Variants in MKLN1 observed in about 807,000 individuals in gnomAD.
MKLN1 encodes muskelin.
A neutral mutation model predicts 99.0 loss-of-function variants in MKLN1; 18 were observed. The observed-to-expected ratio is 0.18, with a 90% confidence interval of 0.13 to 0.27. The LOEUF is 0.27. Among genes scored for constraint, MKLN1 ranks in the 10% least tolerant of loss-of-function variants. The probability of loss-of-function intolerance (pLI) is 1.00; values close to 1 mark genes in which losing one functional copy is unlikely to be tolerated. For missense variants in MKLN1, 621 were observed against 875.9 expected, an observed-to-expected ratio of 0.71 and a Z score of 3.67; for synonymous variants, 288 against 293.2, an observed-to-expected ratio of 0.98 and a Z score of 0.18.
At position 131,489,764 on chromosome 7, in the gene MKLN1, C is replaced by G. The variant is rs886500282; in HGVS notation, c.*2036C>G. 1.3e-5 allele frequency: 2 copies of G among 152,028 alleles called. No homozygotes were observed. The highest frequency in any genetic ancestry group is 4.8e-5 in the African/African-American group (2 of 41,396). 9.4% of individuals were successfully genotyped at this position (152,028 alleles called of 1,614,324 possible). A position where few individuals can be genotyped will look rare whatever the true frequency, so the allele number is the denominator to read the frequency against. On this transcript the variant is annotated 3_prime_UTR_variant, in exon 18 of 18. Transcript: ENST00000352689. ...ATTTGGAGGAAACTAAGTTCTTGAC[C>G]TCAGTAATTTTATTTTTGTTTTTCC...
intron 3 of MKLN1, among the ~76,000 whole-genome samples, chr7:131,273,392 GTGCTTAGTGGCC>G (rs1287132558): frequency 6.6e-6 from 1 of 152,202 alleles, no homozygotes; most frequent in African/African-American, 2.4e-5. Flanking sequence ...CACTGGGAAT[GTGCTTAGTGGCC>G]TGTGGGGTGC....
chr7:131,424,447 A>G (rs1166777516), intron 8 of MKLN1, among the ~76,000 whole-genome samples: 1 of 152,204 alleles, frequency 6.6e-6, no homozygotes, highest in Non-Finnish European at 1.5e-5. Context: ...TGCAATCAGC[A>G]CAGTCTGATT....
chr7:131,110,944 C>T (rs953595660), intron 1 of MKLN1, among the ~76,000 whole-genome samples: 3 of 152,220 alleles, frequency 2.0e-5, no homozygotes, highest in African/African-American at 7.2e-5. Context: ...AACAATTTCA[C>T]CTCCCTTGCC....
rs534833760 is a variant in MKLN1, at chr7:131,137,415, A to G, written c.-418-5405A>G. Among the ~76,000 whole-genome samples the G allele has an allele frequency of 5.9e-5, 9 of 152,278 alleles. No homozygotes were observed. In the South Asian group the frequency reaches 1.9e-3, roughly 32 times the overall value. On this transcript the variant is annotated intron_variant, in intron 1 of 7. Transcript: ENST00000416992. ...ATTATTGCAACGTAATGTGTATGGA[A>G]AGGGGAGTGATCCATCCTGTGACTT...
intron 8 of MKLN1, among the ~76,000 whole-genome samples, chr7:131,415,995 C>T (rs897940673): frequency 1.3e-5 from 2 of 151,988 alleles, no homozygotes; most frequent in Non-Finnish European, 2.9e-5. Context: ...GAGGTTTTGC[C>T]ATGTTGCCCA....
chr7:131,465,252 T>C (rs1014549354), intron 14 of MKLN1, among the ~76,000 whole-genome samples: 2 of 152,136 alleles, frequency 1.3e-5, no homozygotes, highest in African/African-American at 4.8e-5. Flanking sequence ...TATTTAAATA[T>C]TTAAATGCTT....
At chr7:131,428,136 GCATGGGCAA>G (rs1255264737) in intron 8 of MKLN1, among the ~76,000 whole-genome samples, 3 of 152,034 alleles carry the variant, frequency 2.0e-5, no homozygotes, top group Non-Finnish European at 2.9e-5. Flanking sequence ...CTGCACTCCA[GCATGGGCAA>G]CAGAGAGAGA....
At position 131,399,378 on chromosome 7, in the gene MKLN1, G is replaced by T; in HGVS notation, c.648G>T (p.Leu216=). The T allele has an allele frequency of 6.2e-7, 1 of 1,613,990 alleles. No individual in the cohort carries two copies. Among genetic ancestry groups the T allele is most frequent in the Non-Finnish European group, 8.5e-7 (1 of 1,179,928 alleles). The change falls in exon 6 of 18, where the codon CTG becomes CTT. Residue 216 remains leucine (L), a synonymous_variant. Transcript: ENST00000352689. ...HPMLTDIHDK[L]VLKGDFDACE... ...TGTTAACAGATATTCATGACAAGCTGGTGTTGAAGGGTGATTTTGATGCTT... is the reference window on the plus strand; with the variant it reads ...TGTTAACAGATATTCATGACAAGCTTGTGTTGAAGGGTGATTTTGATGCTT...
chr7:131,388,470 T>A (rs1794096732), intron 3 of MKLN1, among the ~76,000 whole-genome samples: 1 of 152,224 alleles, frequency 6.6e-6, no homozygotes, highest in African/African-American at 2.4e-5. Context: ...TCAGTCAGAA[T>A]TAAATAACTA....
intron 2 of MKLN1, among the ~76,000 whole-genome samples, chr7:131,192,110 TATATATATACGTATATATATAAAA>T (rs1563247206): frequency 8.0e-5 from 6 of 74,692 alleles, no homozygotes; most frequent in East Asian, 6.8e-4. Flanking sequence ...ATATATATAT[TATATATATACGTATATATATAAAA>T]ATATATATAC....
At chr7:131,142,941 G>A (rs1397510082) in exon 2 of MKLN1, 5 of 1,304,862 alleles carry the variant, frequency 3.8e-6, no homozygotes, top group East Asian at 5.5e-5. Context: ...ATTGGAATTC[G>A]GTAAGTGTTG....
chr7:131,297,518 A>G (rs1172024020), intron 3 of MKLN1, among the ~76,000 whole-genome samples: 4 of 152,026 alleles, frequency 2.6e-5, no homozygotes, highest in Non-Finnish European at 4.4e-5. Flanking sequence ...TTCTGTACGG[A>G]CAACTGCAGG....
chr7:131,137,768 T>C (rs2116248242), intron 1 of MKLN1, among the ~76,000 whole-genome samples: 1 of 152,058 alleles, frequency 6.6e-6, no homozygotes, highest in East Asian at 1.9e-4. Context: ...AGAGATGGGG[T>C]TTCACCATGT....
intron 3 of MKLN1, among the ~76,000 whole-genome samples, chr7:131,270,440 C>T (rs1457330945): frequency 2.0e-5 from 3 of 152,180 alleles, no homozygotes; most frequent in African/African-American, 4.8e-5. Context: ...AGGCTTGTCT[C>T]GAACTCCTGA....
chr7:131,194,595 C>G lies in MKLN1; in HGVS notation c.-296-8262C>G, dbSNP rs149652280. 8.2e-4 allele frequency among the ~76,000 whole-genome samples: 125 copies of G among 152,266 alleles called. 1 individual carries two copies. The highest frequency in any genetic ancestry group is 2.9e-3 in the African/African-American group (119 of 41,540). On this transcript the variant is annotated intron_variant, in intron 2 of 7. Transcript: ENST00000416992. ...GGCCAGAGAATAACCTTTGGCCAGA[C>G]CCAGTTACTCTAGTGCTCTTTCCAA...
intron 6 of MKLN1, among the ~76,000 whole-genome samples, chr7:131,406,381 C>T (rs1794708032): frequency 6.6e-6 from 1 of 151,900 alleles, no homozygotes; most frequent in African/African-American, 2.4e-5. Flanking sequence ...CAAAATTGAT[C>T]AGTGCCTTTT....
At chr7:131,261,423 C>T (rs141945349) in intron 3 of MKLN1, among the ~76,000 whole-genome samples, 1,534 of 152,150 alleles carry the variant, frequency 0.01, 25 homozygotes, top group African/African-American at 0.035. Flanking sequence ...ATTAGAGAAA[C>T]GCAAATTAAA....
At chr7:131,283,674 G>A (rs968361333) in intron 3 of MKLN1, among the ~76,000 whole-genome samples, 2 of 151,990 alleles carry the variant, frequency 1.3e-5, no homozygotes, top group Non-Finnish European at 2.9e-5. Flanking sequence ...GGCTGAAGCT[G>A]TCTGCGCATC....
At chr7:131,135,153 T>C (rs1180808931) in intron 1 of MKLN1, among the ~76,000 whole-genome samples, 1 of 152,244 alleles carries the variant, frequency 6.6e-6, no homozygotes, top group Non-Finnish European at 1.5e-5. Context: ...GATAGCATCT[T>C]GCTCTGTCGC....
Sources: allele counts gnomAD v4.1 joint callset (sites outside exome capture counted in the v4.1 genomes callset), GRCh38; gene constraint gnomAD v4.1.1; transcripts MANE v1.5; gene names NCBI Gene and HGNC (gene_info 2026-07-23, HGNC 2026-07-21).